SCAF8: variants seen among roughly 807,000 people sequenced by gnomAD.
The protein encoded by SCAF8 is SR-related and CTD-associated factor 8.
A neutral mutation model predicts 140.5 loss-of-function variants in SCAF8; 23 were observed. That is an observed-to-expected ratio of 0.16 (90% CI 0.12 to 0.23). SCAF8 has a LOEUF of 0.23. Among genes scored for constraint, SCAF8 ranks in the 10% least tolerant of loss-of-function variants. SCAF8 has a pLI of 1.00. For synonymous variants in SCAF8, 575 were observed against 528.9 expected (o/e 1.09, Z -1.20); for missense variants, 1,397 against 1,555.7 (o/e 0.90, Z 1.72).
At position 154,733,918 on chromosome 6, in the gene SCAF8, C is replaced by A; in HGVS notation, c.18C>A (p.Thr6=). ...GCGACAACATGGAGGCCGTGAAGAC[C>A]TTCAATAGCGAGGTTGGTATGGCAG... The part of the protein sequence containing the change: MEAVK[T]FNSELYSLND... Residue 6 remains threonine (T), a synonymous_variant, in exon 1 of 20, where the codon ACC becomes ACA. Transcript: ENST00000367178. The A allele has an allele frequency of 6.5e-7, 1 of 1,538,598 alleles. No individual in the cohort carries two copies. Among genetic ancestry groups the A allele is most frequent in the Non-Finnish European group, 8.7e-7 (1 of 1,149,220 alleles).
chr6:154,764,046 C>T (rs1776487570), intron 1 of SCAF8, among the ~76,000 whole-genome samples: 1 of 152,120 alleles, frequency 6.6e-6, no homozygotes, highest in Non-Finnish European at 1.5e-5. Flanking sequence ...GTAGCCATCT[C>T]AGTTTAGGTA....
chr6:154,734,695 G>T (rs958820927), intron 1 of SCAF8, among the ~76,000 whole-genome samples: 1 of 152,150 alleles, frequency 6.6e-6, no homozygotes, highest in African/African-American at 2.4e-5. Context: ...GAATTTACTA[G>T]TCTGGAAGAA....
intron 18 of SCAF8, among the ~76,000 whole-genome samples, chr6:154,830,704 T>C (rs961106746): frequency 1.3e-5 from 2 of 152,188 alleles, no homozygotes; most frequent in African/African-American, 2.4e-5. Context: ...TGGTGAAATA[T>C]TTCTGAAAAT....
intron 1 of SCAF8, among the ~76,000 whole-genome samples, chr6:154,735,568 G>T (rs1247544574): frequency 4.7e-5 from 7 of 147,822 alleles, no homozygotes; most frequent in Non-Finnish European, 8.9e-5. Flanking sequence ...ACCCAGGCTG[G>T]AGTGTCACCA....
chr6:154,744,280 A>G (rs951978296), intron 1 of SCAF8, among the ~76,000 whole-genome samples: 1 of 152,180 alleles, frequency 6.6e-6, no homozygotes, highest in South Asian at 2.1e-4. Flanking sequence ...CAACAGAGCA[A>G]GACTCTGGCT....
intron 1 of SCAF8, among the ~76,000 whole-genome samples, chr6:154,762,581 G>T (rs1329923865): frequency 6.6e-6 from 1 of 152,136 alleles, no homozygotes; most frequent in Non-Finnish European, 1.5e-5. Context: ...CTTGTACAGG[G>T]TAGAAGTCTT....
At chr6:154,773,891 G>T in intron 1 of SCAF8, 98 bp from the exon 2 acceptor site, 1 of 799,696 alleles carries the variant, frequency 1.3e-6, no homozygotes, top group Non-Finnish European at 2.1e-6. Context: ...AAAGCAGTAT[G>T]TTGGTTTCAT....
intron 5 of SCAF8, 99 bp from the exon 6 acceptor site, chr6:154,794,910 T>C: frequency 9.2e-7 from 1 of 1,082,068 alleles, no homozygotes; most frequent in South Asian, 1.6e-5. Context: ...TATGCGTGCA[T>C]GTGTTTTATA....
rs1440521143 is a variant in SCAF8, at chr6:154,744,951, CTG to C, written c.30+11025_30+11026del. Among the ~76,000 whole-genome samples, 8 of 152,248 alleles carry C rather than the reference CTG, an allele frequency of 5.3e-5. No homozygotes were observed. In the East Asian group the frequency reaches 9.6e-4, roughly 18 times the overall value. ...TGGTACCCTTTACCTCTAAATAACT[CTG>C]TGTATTTTAAAAACAAGCGCATTTT... is the stretch of plus-strand genomic sequence containing the variant. On this transcript the variant is annotated intron_variant, in intron 1 of 19. Transcript: ENST00000367178.
intron 6 of SCAF8, among the ~76,000 whole-genome samples, chr6:154,798,913 C>T (rs1429264073): frequency 6.6e-6 from 1 of 151,350 alleles, no homozygotes; most frequent in Non-Finnish European, 1.5e-5. Context: ...GATCCTCCCG[C>T]CTCAGCCTCC....
In SCAF8 at chr6:154,747,258, A is replaced by C. The variant is rs553837296; in HGVS notation, c.30+13328A>C. Among the ~76,000 whole-genome samples, 301 of 152,340 alleles carry C rather than the reference A, an allele frequency of 2.0e-3. 1 individual carries two copies. The highest frequency in any genetic ancestry group is 6.8e-3 in the African/African-American group (281 of 41,580). The stretch of plus-strand genomic sequence containing the variant: ...GGCTGAGTGTGGTGGTTAGGCCTGT[A>C]ATCCCAGCGCTTTGGGAGGCTGAGG... On this transcript the variant is annotated intron_variant, in intron 1 of 19. Transcript: ENST00000367178.
At chr6:154,808,019 A>G (rs758798625) in intron 9 of SCAF8, 51 bp from the exon 10 acceptor site, 12 of 1,526,470 alleles carry the variant, frequency 7.9e-6, no homozygotes, top group African/African-American at 1.4e-5. Flanking sequence ...ATTTTCATTC[A>G]TAACAAAAAG....
intron 1 of SCAF8, among the ~76,000 whole-genome samples, chr6:154,739,457 A>G (rs1017388914): frequency 3.3e-5 from 5 of 152,194 alleles, no homozygotes; most frequent in Admixed American, 2.6e-4. Context: ...ATTACAATGT[A>G]GCCTTTCCCC....
At position 154,770,960 on chromosome 6, in the gene SCAF8, G is replaced by C. The variant is rs367626926; in HGVS notation, c.31-3029G>C. On this transcript the variant is annotated intron_variant, in intron 1 of 19. Coordinates refer to ENST00000367178, the MANE Select transcript of SCAF8 (RefSeq NM_014892.5). Reference sequence around the variant, plus strand: ...GGGTTTCGCTGTGTTGGTCAGGCTGGTCTCACACTCCTGGCCTCAAGTGAT... The same window carrying C: ...GGGTTTCGCTGTGTTGGTCAGGCTGCTCTCACACTCCTGGCCTCAAGTGAT... Among the ~76,000 whole-genome samples the C allele has an allele frequency of 4.2e-4, 64 of 152,218 alleles. 1 individual carries two copies. The South Asian group carries it at 0.013, about 31-fold the overall frequency.
At chr6:154,812,748 C>T (rs1426344173) in intron 12 of SCAF8, among the ~76,000 whole-genome samples, 1 of 152,092 alleles carries the variant, frequency 6.6e-6, no homozygotes, top group Non-Finnish European at 1.5e-5. Context: ...GTCCCTTCTG[C>T]ATGGGATGAC....
intron 18 of SCAF8, 149 bp from the exon 19 acceptor site, chr6:154,830,773 T>G: frequency 2.0e-6 from 1 of 498,030 alleles, no homozygotes; most frequent in Non-Finnish European, 3.5e-6. Flanking sequence ...CTATTCATGA[T>G]GACTCCTTTT....
At chr6:154,826,241 A>G (rs1778564441) in intron 17 of SCAF8, among the ~76,000 whole-genome samples, 1 of 152,094 alleles carries the variant, frequency 6.6e-6, no homozygotes, top group African/African-American at 2.4e-5. Context: ...ATTTCAGAAG[A>G]TATTTTTAAG....
intron 1 of SCAF8, among the ~76,000 whole-genome samples, chr6:154,740,625 CTTTTTTTTTT>C (rs66980794): frequency 7.2e-6 from 1 of 138,524 alleles, no homozygotes; most frequent in East Asian, 2.1e-4. Flanking sequence ...TTTTCTTTTT[CTTTTTTTTTT>C]TTTTGAGACT....
chr6:154,829,572 C>T (rs772116316), intron 18 of SCAF8, among the ~76,000 whole-genome samples: 8 of 152,006 alleles, frequency 5.3e-5, no homozygotes, highest in African/African-American at 1.9e-4. Context: ...ATTCATTTTC[C>T]TTGTATTCTT....
Sources: allele counts gnomAD v4.1 joint callset (sites outside exome capture counted in the v4.1 genomes callset), GRCh38; gene constraint gnomAD v4.1.1; transcripts MANE v1.5; gene names NCBI Gene and HGNC (gene_info 2026-07-23, HGNC 2026-07-21).